Variants in ADGRA3 observed in about 807,000 individuals in gnomAD.
ADGRA3 encodes the protein adhesion G protein-coupled receptor A3.
Under a neutral mutation model 119.8 loss-of-function variants are expected in ADGRA3, and 56 were observed. The ratio of observed to expected loss-of-function variants is 0.47; its 90% CI spans 0.38 to 0.58. The LOEUF (loss-of-function observed/expected upper bound fraction) is 0.58. Ranked by LOEUF, ADGRA3 falls within the 20% of genes least tolerant of loss-of-function variation. ADGRA3 has a pLI of 0.00. For synonymous variants in ADGRA3, 607 were observed against 623.8 expected (o/e 0.97, Z 0.40); for missense variants, 1,516 against 1,649.0 (o/e 0.92, Z 1.40).
intron 3 of ADGRA3, among the ~76,000 whole-genome samples, chr4:22,458,299 G>A (rs1717313367): frequency 6.6e-6 from 1 of 152,154 alleles, no homozygotes; most frequent in South Asian, 2.1e-4. Flanking sequence ...CTCACCTGCT[G>A]CTGCCCCTCA....
intron 1 of ADGRA3, among the ~76,000 whole-genome samples, chr4:22,482,502 A>G (rs1187068965): frequency 6.6e-6 from 1 of 151,774 alleles, no homozygotes; most frequent in African/African-American, 2.4e-5. Flanking sequence ...AAAAAAAAAA[A>G]AAAAGTAAAG....
chr4:22,480,813 G>A (rs752813748), intron 1 of ADGRA3, among the ~76,000 whole-genome samples: 5 of 152,178 alleles, frequency 3.3e-5, no homozygotes, highest in Non-Finnish European at 7.3e-5. Context: ...AAGATGCAGT[G>A]TTGTAGGACT....
Position 22,468,052 on chromosome 4 carries a change from T to G in ADGRA3, c.329+5720A>C, listed in dbSNP as rs746334815. On this transcript the variant is annotated intron_variant, in intron 2 of 18. Coordinates refer to ENST00000334304, the MANE Select transcript of ADGRA3 (RefSeq NM_145290.4). ...TCTGGCATTACAGGAAATCAAGAAG[T>G]CAGGCCTTTGTGGTTGGTTCCACGC... Among the ~76,000 whole-genome samples, 153 of 152,262 alleles carry G rather than the reference T, an allele frequency of 1.0e-3. 4 individuals carry two copies. The highest frequency in any genetic ancestry group is 3.2e-4 in the Non-Finnish European group (22 of 68,024).
chr4:22,487,088 C>G (rs1718454847), intron 1 of ADGRA3, among the ~76,000 whole-genome samples: 1 of 152,176 alleles, frequency 6.6e-6, no homozygotes, highest in Admixed American at 6.5e-5. Flanking sequence ...AGCATCTGCT[C>G]CACCACACCA....
chr4:22,396,139 G>C (rs1169350185), intron 16 of ADGRA3, among the ~76,000 whole-genome samples: 2 of 152,150 alleles, frequency 1.3e-5, no homozygotes, highest in Non-Finnish European at 2.9e-5. Flanking sequence ...TTCCAGACTT[G>C]AGTCAACGGC....
chr4:22,414,640 TTAAA>T (rs1352930845), intron 12 of ADGRA3: 3 of 692,988 alleles, frequency 4.3e-6, no homozygotes, highest in Admixed American at 2.1e-5. Context: ...TTATTCCAGT[TTAAA>T]TAACACCTTG....
rs181226409 is a variant in ADGRA3, at chr4:22,433,672, G to A, written c.1443+1639C>T. On this transcript the variant is annotated intron_variant, in intron 10 of 18. Coordinates refer to ENST00000334304, the MANE Select transcript of ADGRA3 (RefSeq NM_145290.4). ...ACATCATAAACATGTATTCTTCGAT[G>A]GCGAATGTTCTTCCATGTCCACATT... Among the ~76,000 whole-genome samples the A allele has an allele frequency of 3.9e-5, 6 of 152,252 alleles. No homozygotes were observed. The East Asian group carries it at 9.7e-4, about 25-fold the overall frequency.
chr4:22,493,055 C>T (rs959540038), intron 1 of ADGRA3, among the ~76,000 whole-genome samples: 2 of 152,162 alleles, frequency 1.3e-5, no homozygotes, highest in African/African-American at 2.4e-5. Flanking sequence ...ACCTCCAATC[C>T]CTGTGATCAA....
intron 1 of ADGRA3, among the ~76,000 whole-genome samples, chr4:22,501,582 T>C (rs1560349429): frequency 6.6e-6 from 1 of 152,294 alleles, no homozygotes; most frequent in South Asian, 2.1e-4. Context: ...CTGTTATTCA[T>C]TGACTGCAGG....
chr4:22,506,956 G>A (rs1431450658), intron 1 of ADGRA3, among the ~76,000 whole-genome samples: 3 of 152,068 alleles, frequency 2.0e-5, no homozygotes, highest in Non-Finnish European at 2.9e-5. Context: ...ACTAATACTC[G>A]GCCAGGTGCA....
At chr4:22,509,762 G>A (rs1320132013) in intron 1 of ADGRA3, among the ~76,000 whole-genome samples, 1 of 151,942 alleles carries the variant, frequency 6.6e-6, no homozygotes, top group East Asian at 2.0e-4. Context: ...TGTAATCCCA[G>A]CACTTTGGGA....
At chr4:22,444,859 TG>T in intron 6 of ADGRA3, 113 bp downstream of exon 6, 1 of 988,146 alleles carries the variant, frequency 1.0e-6, no homozygotes. Flanking sequence ...TAATGATTAC[TG>T]GCTGCATACT....
At chr4:22,422,280 C>T (rs368981386) in intron 11 of ADGRA3, among the ~76,000 whole-genome samples, 1 of 151,944 alleles carries the variant, frequency 6.6e-6, no homozygotes. Context: ...TTTTGATGCA[C>T]GATGCTTACA....
intron 3 of ADGRA3, among the ~76,000 whole-genome samples, chr4:22,455,167 CCTCTATATTTCAAG>C (rs1316132256): frequency 1.3e-5 from 2 of 152,106 alleles, no homozygotes; most frequent in African/African-American, 4.8e-5. Context: ...ATTATAGTGC[CCTCTATATTTCAAG>C]CACTTACTCT....
At chr4:22,409,853 G>A (rs545527523) in intron 14 of ADGRA3, among the ~76,000 whole-genome samples, 129 of 152,214 alleles carry the variant, frequency 8.5e-4, no homozygotes, top group African/African-American at 3.0e-3. Flanking sequence ...TCAACAATAC[G>A]CGAGAAACAA....
At chr4:22,417,738 G>A (rs916771603) in intron 12 of ADGRA3, among the ~76,000 whole-genome samples, 1 of 152,082 alleles carries the variant, frequency 6.6e-6, no homozygotes, top group Non-Finnish European at 1.5e-5. Flanking sequence ...AACAGGCAAT[G>A]GTTAATTCTG....
intron 12 of ADGRA3, chr4:22,420,479 C>T (rs1448776602): frequency 5.0e-6 from 1 of 199,468 alleles, no homozygotes; most frequent in Non-Finnish European, 1.0e-5. Context: ...CTCCACTAGG[C>T]TTGGCAGGCG....
chr4:22,390,413 TA>T (rs1560292391), intron 17 of ADGRA3, among the ~76,000 whole-genome samples: 3 of 79,714 alleles, frequency 3.8e-5, no homozygotes, highest in Non-Finnish European at 6.3e-5. Context: ...AAATACGTAT[TA>T]TATATATATA....
chr4:22,435,488 G>C (rs1392522718), intron 9 of ADGRA3, 22 bp from the exon 10 acceptor site: 3 of 1,566,688 alleles, frequency 1.9e-6, no homozygotes, highest in Admixed American at 1.7e-5. Flanking sequence ...AGGCAAAAAT[G>C]ATCAACAAAA....
Sources: gnomAD v4.1 joint callset for allele counts (sites outside exome capture counted in the v4.1 genomes callset) on GRCh38, gnomAD v4.1.1 for gene constraint, MANE v1.5 for transcripts, NCBI Gene and HGNC (gene_info 2026-07-23, HGNC 2026-07-21) for gene names.